The following PIP5K1B variants were observed in gnomAD, a reference collection of about 807,000 sequenced individuals.
PIP5K1B encodes the protein phosphatidylinositol 4-phosphate 5-kinase type-1 beta.
A neutral mutation model predicts 67.0 loss-of-function variants in PIP5K1B; 42 were observed. The observed-to-expected ratio is 0.63, with a 90% CI of 0.49 to 0.81. PIP5K1B has a LOEUF of 0.81. Ranked by LOEUF, PIP5K1B falls within the 30% of genes least tolerant of loss-of-function variation. PIP5K1B has a pLI of 0.00. For missense variants in PIP5K1B, 459 were observed against 646.3 expected, an observed-to-expected ratio of 0.71 and a Z score of 3.14; for synonymous variants, 214 against 231.4, an observed-to-expected ratio of 0.92 and a Z score of 0.68.
In PIP5K1B at chr9:68,765,462, G is replaced by C. The variant is rs529990990; in HGVS notation, c.-86+22805G>C. Among the ~76,000 whole-genome samples, 2 of 152,086 alleles carry C rather than the reference G, an allele frequency of 1.3e-5. 1 individual carries two copies. The highest frequency in any genetic ancestry group is 4.1e-4 in the South Asian group (2 of 4,820). ...TTAATGCAACATGGAGAAAATGGTC[G>C]TTCTCTTGTCTGAGTTGGATTAAAG... On this transcript the variant is annotated intron_variant, in intron 2 of 15. Transcript: ENST00000265382.
chr9:68,998,359 A>G (rs755039331), intron 15 of PIP5K1B, among the ~76,000 whole-genome samples: 9 of 152,064 alleles, frequency 5.9e-5, no homozygotes, highest in African/African-American at 1.7e-4. Context: ...GCTGATTTCC[A>G]CTTTCTTAAA....
intron 13 of PIP5K1B, among the ~76,000 whole-genome samples, chr9:68,935,508 C>T (rs1827215629): frequency 6.6e-6 from 1 of 152,130 alleles, no homozygotes; most frequent in South Asian, 2.1e-4. Flanking sequence ...CAGTAAGATG[C>T]AGTTCATGCA....
chr9:69,004,340 TGTGTG>T (rs1302248785), intron 15 of PIP5K1B, among the ~76,000 whole-genome samples: 24 of 42,748 alleles, frequency 5.6e-4, no homozygotes, highest in Admixed American at 4.0e-3. Context: ...TGTGTTTTTG[TGTGTG>T]TGTGTGTGTG....
In PIP5K1B at chr9:69,001,854, G is replaced by A. The variant is rs769147192; in HGVS notation, c.1621-6593G>A. The stretch of plus-strand genomic sequence containing the variant: ...TCACTCAAGTGCTGAAAAGTCCACT[G>A]CAGAACTGTCCACCAGTATAAATCA... On this transcript the variant is annotated intron_variant, in intron 15 of 15. Coordinates refer to ENST00000265382, the MANE Select transcript of PIP5K1B (RefSeq NM_003558.4). Among the ~76,000 whole-genome samples, 24 of 152,226 alleles carry A rather than the reference G, an allele frequency of 1.6e-4. 1 individual carries two copies. The highest frequency in any genetic ancestry group is 3.9e-4 in the Admixed American group (6 of 15,280).
rs552270251 is a variant in PIP5K1B, at chr9:68,723,428, A to G, written c.-243+17666A>G. Among the ~76,000 whole-genome samples the G allele has an allele frequency of 8.6e-5, 13 of 151,806 alleles. No individual in the cohort carries two copies. The South Asian group carries it at 2.7e-3, about 32-fold the overall frequency. On this transcript the variant is annotated intron_variant, in intron 1 of 15. Transcript: ENST00000265382. ...TTGAGGAACTTACATCGTTTTCCGT[A>G]ATGGCTGTACATCTTTACATTCCCA...
chr9:68,791,758 T>C (rs1054394532), intron 2 of PIP5K1B, among the ~76,000 whole-genome samples: 3 of 152,218 alleles, frequency 2.0e-5, no homozygotes, highest in Non-Finnish European at 2.9e-5. Flanking sequence ...TTTCAGTTAT[T>C]TCTAAAATAC....
At chr9:68,975,350 T>C (rs1048715308) in intron 14 of PIP5K1B, among the ~76,000 whole-genome samples, 3 of 152,216 alleles carry the variant, frequency 2.0e-5, no homozygotes, top group Non-Finnish European at 4.4e-5. Context: ...ATTACAGGCA[T>C]GAGCCACTGC....
At chr9:68,709,399 AT>A (rs1437950859) in intron 1 of PIP5K1B, among the ~76,000 whole-genome samples, 2 of 151,964 alleles carry the variant, frequency 1.3e-5, no homozygotes, top group Admixed American at 1.3e-4. Flanking sequence ...TGCCTGGCTA[AT>A]TTTTGTATTT....
intron 14 of PIP5K1B, among the ~76,000 whole-genome samples, chr9:68,983,046 T>C (rs1306653923): frequency 6.6e-6 from 1 of 152,182 alleles, no homozygotes; most frequent in Non-Finnish European, 1.5e-5. Flanking sequence ...CATATAACCT[T>C]TACTAATCTC....
At chr9:68,721,191 T>G (rs1827865306) in intron 1 of PIP5K1B, among the ~76,000 whole-genome samples, 1 of 152,046 alleles carries the variant, frequency 6.6e-6, no homozygotes, top group South Asian at 2.1e-4. Flanking sequence ...CTAGAAGAGT[T>G]TGATGGAGAA....
chr9:68,741,020 A>C (rs1001327351), intron 1 of PIP5K1B, among the ~76,000 whole-genome samples: 1 of 152,210 alleles, frequency 6.6e-6, no homozygotes, highest in Non-Finnish European at 1.5e-5. Flanking sequence ...TCTAAATGCC[A>C]TTTTACCCAC....
intron 6 of PIP5K1B, 66 bp downstream of exon 6, chr9:68,876,860 C>T (rs915473340): frequency 2.4e-6 from 2 of 832,500 alleles, no homozygotes. Context: ...CTCATAGCAA[C>T]AGCAACAAGT....
intron 2 of PIP5K1B, among the ~76,000 whole-genome samples, chr9:68,750,293 C>G (rs990583563): frequency 1.3e-5 from 2 of 152,206 alleles, no homozygotes; most frequent in African/African-American, 4.8e-5. Context: ...CCTTTCAGCT[C>G]CCCAGGATTT....
intron 4 of PIP5K1B, among the ~76,000 whole-genome samples, chr9:68,860,453 T>C (rs1270686639): frequency 6.6e-6 from 1 of 152,222 alleles, no homozygotes; most frequent in East Asian, 1.9e-4. Context: ...CCAAGAAGTT[T>C]ACAAGTTTTT....
At chr9:68,908,352 TACATACACACAC>T (rs1048021998) in intron 8 of PIP5K1B, among the ~76,000 whole-genome samples, 5 of 151,802 alleles carry the variant, frequency 3.3e-5, no homozygotes, top group Admixed American at 1.3e-4. Context: ...TATATATATA[TACATACACACAC>T]ACATACACAC....
intron 2 of PIP5K1B, chr9:68,789,455 A>G: frequency 2.0e-6 from 1 of 506,122 alleles, no homozygotes; most frequent in Non-Finnish European, 4.0e-6. Flanking sequence ...GGAGACCTCC[A>G]TCTGGATCAC....
At chr9:68,823,131 A>T (rs751062885) in intron 4 of PIP5K1B, among the ~76,000 whole-genome samples, 48 of 152,342 alleles carry the variant, frequency 3.2e-4, no homozygotes, top group Non-Finnish European at 3.7e-4. Flanking sequence ...GAAATATGGG[A>T]AAATATTAAT....
In PIP5K1B at chr9:68,926,335, G is replaced by A. The variant is rs191050654; in HGVS notation, c.1201+2949G>A. On this transcript the variant is annotated intron_variant, in intron 12 of 15. Coordinates refer to ENST00000265382, the MANE Select transcript of PIP5K1B (RefSeq NM_003558.4). Reference sequence around the variant, plus strand: ...AGTTTCATAAAATATGGCATGTGTCGCAGATTTTTCCGGTTTGGATAATTT... The same window carrying A: ...AGTTTCATAAAATATGGCATGTGTCACAGATTTTTCCGGTTTGGATAATTT... Among the ~76,000 whole-genome samples the A allele has an allele frequency of 3.1e-3, 476 of 152,130 alleles. 8 individuals carry two copies. Among genetic ancestry groups the A allele is most frequent in the Non-Finnish European group, 1.8e-3 (122 of 67,984 alleles).
intron 1 of PIP5K1B, among the ~76,000 whole-genome samples, chr9:68,707,151 A>T (rs1302737891): frequency 1.3e-5 from 2 of 152,102 alleles, no homozygotes; most frequent in African/African-American, 4.8e-5. Flanking sequence ...GTGGGCAGAG[A>T]CTTATGAGGA....
Sources: allele counts gnomAD v4.1 joint callset (sites outside exome capture counted in the v4.1 genomes callset), GRCh38; gene constraint gnomAD v4.1.1; transcripts MANE v1.5; gene names NCBI Gene and HGNC (gene_info 2026-07-23, HGNC 2026-07-21).